COL4A1: variants seen among roughly 807,000 people sequenced by gnomAD.
The protein encoded by COL4A1 is collagen alpha-1(IV) chain.
A neutral mutation model predicts 216.6 loss-of-function variants in COL4A1; 40 were observed. The ratio of observed to expected loss-of-function variants is 0.18; its 90% confidence interval spans 0.14 to 0.24. The LOEUF is 0.24. COL4A1 is among the 10% of genes least tolerant of loss of function. COL4A1 has a pLI of 1.00. For synonymous variants in COL4A1, 839 were observed against 810.7 expected, an observed-to-expected ratio of 1.03 and a Z score of -0.59; for missense variants, 1,628 against 2,196.8, an observed-to-expected ratio of 0.74 and a Z score of 5.18.
intron 1 of COL4A1, among the ~76,000 whole-genome samples, chr13:110,251,395 C>T (rs943857262): frequency 7.2e-5 from 11 of 152,268 alleles, no homozygotes; most frequent in Admixed American, 2.0e-4. Context: ...CTGTGCCAGG[C>T]ACTCCTTCAC....
In COL4A1 at chr13:110,277,042, C is replaced by T. The variant is rs192482756; in HGVS notation, c.84+29902G>A. Among the ~76,000 whole-genome samples, 11 of 152,310 alleles carry T rather than the reference C, an allele frequency of 7.2e-5. No homozygotes were observed. The East Asian group carries it at 2.1e-3, about 29-fold the overall frequency. ...AAAGCTGGCTGCTCCCAGTTATCTG[C>T]CTGACCTCAGTAGACATCTGGGTTT... On this transcript the variant is annotated intron_variant, in intron 1 of 51. Transcript: ENST00000375820.
intron 1 of COL4A1, among the ~76,000 whole-genome samples, chr13:110,250,438 G>A (rs1056443423): frequency 2.0e-5 from 3 of 152,036 alleles, no homozygotes; most frequent in East Asian, 1.9e-4. Flanking sequence ...CTAAAGTTCT[G>A]GTCTCATTTT....
At chr13:110,150,534 G>A in intron 51 of COL4A1, 90 bp from the exon 52 acceptor site, 1 of 1,325,304 alleles carries the variant, frequency 7.5e-7, no homozygotes, top group Non-Finnish European at 1.1e-6. Flanking sequence ...AATCTCTAAG[G>A]GATCAGCCCA....
chr13:110,252,702 G>GTA (rs1164632935), intron 1 of COL4A1, among the ~76,000 whole-genome samples: 10 of 138,948 alleles, frequency 7.2e-5, no homozygotes, highest in East Asian at 2.1e-4. Flanking sequence ...ATAATTATAT[G>GTA]TATATATGTA....
intron 29 of COL4A1, among the ~76,000 whole-genome samples, chr13:110,180,521 C>T (rs548901778): frequency 8.5e-5 from 13 of 152,234 alleles, no homozygotes; most frequent in South Asian, 4.1e-4. Context: ...TCACTGGCAA[C>T]GTTTATCGAT....
chr13:110,296,007 G>A (rs1006478984), intron 1 of COL4A1, among the ~76,000 whole-genome samples: 3 of 152,216 alleles, frequency 2.0e-5, no homozygotes, highest in Admixed American at 6.5e-5. Context: ...CTTCAGCCCT[G>A]CGCCTCTCCC....
chr13:110,252,675 A>AATTATATGTATATATACATATAATT (rs1304507399), intron 1 of COL4A1, among the ~76,000 whole-genome samples: 1 of 140,242 alleles, frequency 7.1e-6, no homozygotes, highest in African/African-American at 2.6e-5. Flanking sequence ...ATATACATAT[A>AATTATATGTATATATACATATAATT]ATATGTATAT....
At position 110,174,548 on chromosome 13, in the gene COL4A1, C is replaced by T. The variant is rs538380578; in HGVS notation, c.3326-22G>A. ...CTTCCTAAAGAAAAAAACAAAACAC[C>T]AGAACATCCATAAGTTTGGGCTTTT... On this transcript the variant is annotated intron_variant, in intron 38 of 51. Coordinates refer to ENST00000375820, the MANE Select transcript of COL4A1 (RefSeq NM_001845.6). 3.1e-5 allele frequency: 50 copies of T among 1,614,118 alleles called. No individual in the cohort carries two copies. The South Asian group carries it at 5.5e-4, about 18-fold the overall frequency.
chr13:110,166,821 A>G (rs1265274352), intron 44 of COL4A1, among the ~76,000 whole-genome samples: 1 of 152,212 alleles, frequency 6.6e-6, no homozygotes, highest in Non-Finnish European at 1.5e-5. Flanking sequence ...CTGACTCAGC[A>G]GTAAAAACTG....
intron 37 of COL4A1, 62 bp downstream of exon 37, chr13:110,175,156 T>C (rs1877823427): frequency 6.3e-7 from 1 of 1,599,250 alleles, no homozygotes; most frequent in Non-Finnish European, 8.6e-7. Context: ...GCTGAGCATT[T>C]CTCAGGCAGC....
intron 42 of COL4A1, among the ~76,000 whole-genome samples, chr13:110,170,099 GAGGAAGGGAGGAAAGAAGGA>G (rs565651976): frequency 0.26 from 32,231 of 121,934 alleles, 3,886 homozygotes; most frequent in African/African-American, 0.36. Flanking sequence ...GGGAGGGAGA[GAGGAAGGGAGGAAAGAAGGA>G]AGGAAGGAAG....
chr13:110,193,631 G>C (rs921434228), intron 22 of COL4A1, among the ~76,000 whole-genome samples: 7 of 152,236 alleles, frequency 4.6e-5, no homozygotes, highest in African/African-American at 1.7e-4. Flanking sequence ...TCGAGGCGGC[G>C]TGGCCATGTT....
intron 24 of COL4A1, 67 bp downstream of exon 24, chr13:110,192,147 C>A (rs909563880): frequency 2.0e-6 from 3 of 1,534,248 alleles, no homozygotes; most frequent in African/African-American, 1.4e-5. Flanking sequence ...TGCAAAACGA[C>A]ACAACTCTGT....
At chr13:110,281,579 G>T (rs1269647123) in intron 1 of COL4A1, among the ~76,000 whole-genome samples, 3 of 152,096 alleles carry the variant, frequency 2.0e-5, no homozygotes, top group Admixed American at 6.5e-5. Flanking sequence ...GGCTCACACA[G>T]AAACTCAATT....
chr13:110,156,091 AT>A (rs1431057814), intron 49 of COL4A1, among the ~76,000 whole-genome samples: 1 of 152,238 alleles, frequency 6.6e-6, no homozygotes. Context: ...TGTTTAAAAA[AT>A]AGATCCAACA....
At chr13:110,181,268 A>G (rs1298134146) in intron 29 of COL4A1, 24 bp downstream of exon 29, 8 of 1,607,690 alleles carry the variant, frequency 5.0e-6, no homozygotes, top group Non-Finnish European at 6.0e-6. Flanking sequence ...GAGAAGGGTC[A>G]TGGAGGGAAT....
intron 1 of COL4A1, among the ~76,000 whole-genome samples, chr13:110,289,024 C>A (rs1594119226): frequency 1.3e-5 from 2 of 151,992 alleles, no homozygotes; most frequent in South Asian, 4.2e-4. Flanking sequence ...GGCTACAGAA[C>A]AAGACCCCAT....
Position 110,170,570 on chromosome 13 carries a change from G to T in COL4A1, c.3719C>A (p.Pro1240His), listed in dbSNP as rs374087869. 1.5e-5 allele frequency: 24 copies of T among 1,606,226 alleles called. No homozygotes were observed. The highest frequency in any genetic ancestry group is 1.8e-5 in the Non-Finnish European group (21 of 1,176,336). ...ACCTGGCAGGCCAGGCTGGCCCTGA[G>T]GTCCGCGGTCTCCTTTGGGCCCCTC... Reference protein sequence around the residue: ...ATEGPKGDRGPQGQPGLPGLP... With the variant: ...ATEGPKGDRGHQGQPGLPGLP... The change falls in exon 42 of 52, where the codon CCT becomes CAT. Residue 1240 changes from proline to histidine, a missense_variant. By Grantham distance (77) the Pro-to-His change is moderately conservative. Transcript: ENST00000375820.
chr13:110,203,662 C>T, intron 17 of COL4A1, 55 bp from the exon 18 acceptor site: 2 of 1,583,734 alleles, frequency 1.3e-6, no homozygotes, highest in Admixed American at 3.3e-5. Context: ...GATTGTCTTG[C>T]AGAAAGCAGA....
Sources: allele counts gnomAD v4.1 joint callset (sites outside exome capture counted in the v4.1 genomes callset), GRCh38; gene constraint gnomAD v4.1.1; transcripts MANE v1.5; gene names NCBI Gene and HGNC (gene_info 2026-07-23, HGNC 2026-07-21).